Variants in SIPA1L3 observed in about 807,000 individuals in gnomAD.
The protein encoded by SIPA1L3 is signal-induced proliferation-associated 1-like protein 3.
A neutral mutation model predicts 150.1 loss-of-function variants in SIPA1L3; 59 were observed. That is an observed-to-expected ratio of 0.39 (90% CI 0.32 to 0.49). The LOEUF (loss-of-function observed/expected upper bound fraction) is 0.49, where lower values mean the gene tolerates loss of function less well. Ranked by LOEUF, SIPA1L3 falls within the 20% of genes least tolerant of loss-of-function variation. SIPA1L3 has a pLI of 0.86. For synonymous variants in SIPA1L3, 1,070 were observed against 1,077.6 expected (o/e 0.99, Z 0.14); for missense variants, 2,211 against 2,489.5 (o/e 0.89, Z 2.38).
chr19:38,087,381 C>A (rs917027860), intron 3 of SIPA1L3, among the ~76,000 whole-genome samples: 9 of 152,302 alleles, frequency 5.9e-5, no homozygotes, highest in Admixed American at 2.0e-4. Context: ...CTGTTCTGAT[C>A]GGGGTCATTA....
At chr19:38,043,388 GAA>G (rs1968970563) in intron 2 of SIPA1L3, among the ~76,000 whole-genome samples, 1 of 152,068 alleles carries the variant, frequency 6.6e-6, no homozygotes, top group African/African-American at 2.4e-5. Flanking sequence ...AAGAAATAGA[GAA>G]AAAGCGAGAG....
intron 15 of SIPA1L3, among the ~76,000 whole-genome samples, chr19:38,171,636 A>C (rs993006888): frequency 5.3e-5 from 8 of 151,402 alleles, no homozygotes; most frequent in African/African-American, 1.9e-4. Context: ...CGGGTGACCC[A>C]CCCACCTTGG....
chr19:38,187,939 T>C (rs2146035970), intron 16 of SIPA1L3, among the ~76,000 whole-genome samples: 2 of 150,948 alleles, frequency 1.3e-5, no homozygotes, highest in South Asian at 4.2e-4. Context: ...GAGGTTGCAG[T>C]GAGCCGAGAT....
chr19:37,976,467 A>G (rs1463272406), intron 1 of SIPA1L3, among the ~76,000 whole-genome samples: 1 of 152,108 alleles, frequency 6.6e-6, no homozygotes, highest in East Asian at 1.9e-4. Context: ...TGCTTTATCA[A>G]TCCAGGTTCT....
chr19:38,044,847 G>GC (rs959230293), intron 2 of SIPA1L3, among the ~76,000 whole-genome samples: 3 of 151,924 alleles, frequency 2.0e-5, no homozygotes, highest in South Asian at 2.1e-4. Flanking sequence ...ACATCTGGGC[G>GC]CCCCCCAGAC....
intron 1 of SIPA1L3, among the ~76,000 whole-genome samples, chr19:37,970,865 T>G (rs1314765075): frequency 6.6e-6 from 1 of 152,218 alleles, no homozygotes; most frequent in Non-Finnish European, 1.5e-5. Context: ...TTTATTTCCC[T>G]CCTGTGAAAC....
At chr19:38,001,124 G>C (rs568247115) in intron 1 of SIPA1L3, among the ~76,000 whole-genome samples, 7 of 151,326 alleles carry the variant, frequency 4.6e-5, no homozygotes, top group Non-Finnish European at 8.8e-5. Context: ...AAAAAGTTAA[G>C]GAATCATGTG....
At position 38,046,180 on chromosome 19, in the gene SIPA1L3, C is replaced by T. The variant is rs931609903; in HGVS notation, c.-311+17024C>T. Among the ~76,000 whole-genome samples the T allele has an allele frequency of 2.0e-5, 3 of 152,100 alleles. No individual in the cohort carries two copies. Among genetic ancestry groups the T allele is most frequent in the Non-Finnish European group, 4.4e-5 (3 of 68,020 alleles). On this transcript the variant is annotated intron_variant, in intron 2 of 21. Coordinates refer to ENST00000222345, the MANE Select transcript of SIPA1L3 (RefSeq NM_015073.3). This position sits in a 1 kb window ranked among gnomAD's most constrained non-coding sequence, Gnocchi z 5.6. ...GAAGGTGCCCTGGTTCTCGACTCAT[C>T]AGCCTCTAGGAAAGAAGCAGCTTGC...
chr19:38,110,551 G>C (rs917658511), intron 8 of SIPA1L3, among the ~76,000 whole-genome samples, 167 bp downstream of exon 8: 26 of 152,164 alleles, frequency 1.7e-4, no homozygotes, highest in Non-Finnish European at 5.9e-5. Context: ...AGCCAGAAAG[G>C]GGCATGGCTC....
At chr19:38,194,005 G>A (rs1026601777) in intron 18 of SIPA1L3, among the ~76,000 whole-genome samples, 1 of 152,128 alleles carries the variant, frequency 6.6e-6, no homozygotes, top group Non-Finnish European at 1.5e-5. Flanking sequence ...GGGTCACCTA[G>A]GAGTCAGAAG....
At chr19:38,150,934 C>T (rs1048834405) in intron 12 of SIPA1L3, among the ~76,000 whole-genome samples, 2 of 152,194 alleles carry the variant, frequency 1.3e-5, no homozygotes, top group East Asian at 1.9e-4. Flanking sequence ...CAAAATTTGG[C>T]TCAAACATTG....
intron 1 of SIPA1L3, among the ~76,000 whole-genome samples, chr19:37,914,659 G>C (rs1053963049): frequency 2.0e-5 from 3 of 152,094 alleles, no homozygotes; most frequent in Non-Finnish European, 2.9e-5. Flanking sequence ...TTACAGGTGT[G>C]AGCCACTGCA....
At chr19:38,023,544 G>A (rs1439855398) in intron 1 of SIPA1L3, among the ~76,000 whole-genome samples, 1 of 152,176 alleles carries the variant, frequency 6.6e-6, no homozygotes, top group Non-Finnish European at 1.5e-5. Context: ...ATTTCCCTAA[G>A]TCATTATTTC....
chr19:37,938,251 A>AT (rs916522584), intron 1 of SIPA1L3, among the ~76,000 whole-genome samples: 5 of 151,932 alleles, frequency 3.3e-5, no homozygotes, highest in Non-Finnish European at 7.4e-5. Context: ...TTGTTTTCAG[A>AT]TTTTTTGCTG....
intron 13 of SIPA1L3, among the ~76,000 whole-genome samples, chr19:38,155,859 T>C (rs1268702062): frequency 6.6e-6 from 1 of 152,084 alleles, no homozygotes; most frequent in African/African-American, 2.4e-5. Context: ...GGCAGGCCGA[T>C]CTCCTGAGAT....
At chr19:38,067,604 A>G (rs1384117503) in intron 2 of SIPA1L3, among the ~76,000 whole-genome samples, 1 of 152,084 alleles carries the variant, frequency 6.6e-6, no homozygotes, top group African/African-American at 2.4e-5. Flanking sequence ...TCTACTAAAA[A>G]TACAAAAATT....
At chr19:37,960,541 C>G (rs2046848504) in intron 1 of SIPA1L3, among the ~76,000 whole-genome samples, 2 of 151,642 alleles carry the variant, frequency 1.3e-5, no homozygotes. Flanking sequence ...GTAGCTGGGA[C>G]TACAGGTGCC....
intron 1 of SIPA1L3, among the ~76,000 whole-genome samples, chr19:37,978,211 G>T (rs945348607): frequency 3.3e-5 from 5 of 152,174 alleles, no homozygotes; most frequent in Non-Finnish European, 7.3e-5. Context: ...TCTGTGGAAT[G>T]CAGTCGCTAA....
At chr19:38,054,067 C>T (rs748545098) in intron 2 of SIPA1L3, among the ~76,000 whole-genome samples, 21 of 152,054 alleles carry the variant, frequency 1.4e-4, no homozygotes, top group Non-Finnish European at 2.8e-4. Flanking sequence ...AATTTGTGCC[C>T]TTAACGGTGG....
Sources: gnomAD v4.1 joint callset for allele counts (sites outside exome capture counted in the v4.1 genomes callset) on GRCh38, gnomAD v4.1.1 for gene constraint, Gnocchi (gnomAD v3.1) non-coding constraint, MANE v1.5 for transcripts, NCBI Gene and HGNC (gene_info 2026-07-23, HGNC 2026-07-21) for gene names.